SBF2: variants seen among roughly 807,000 people sequenced by gnomAD.
The protein encoded by SBF2 is myotubularin-related protein 13.
SBF2 carries 112 observed loss-of-function variants against 225.2 expected under a neutral mutation model. That is an observed-to-expected ratio of 0.50 (90% CI 0.43 to 0.58). The LOEUF (loss-of-function observed/expected upper bound fraction) is 0.58, where lower values mean the gene tolerates loss of function less well. SBF2 is among the 20% of genes least tolerant of loss of function. The pLI, the probability that SBF2 is intolerant of heterozygous loss-of-function variation, is 0.00. For missense variants in SBF2, 1,996 were observed against 2,206.2 expected (o/e 0.90, Z 1.91); for synonymous variants, 763 against 773.3 (o/e 0.99, Z 0.22).
intron 2 of SBF2, among the ~76,000 whole-genome samples, chr11:10,156,076 A>T (rs1271655393): frequency 6.6e-6 from 1 of 152,154 alleles, no homozygotes; most frequent in East Asian, 1.9e-4. Context: ...GCACTCTCGG[A>T]AGCCCAGGAA....
chr11:9,930,861 C>T (rs987425257), intron 16 of SBF2, among the ~76,000 whole-genome samples: 1 of 152,256 alleles, frequency 6.6e-6, no homozygotes, highest in African/African-American at 2.4e-5. Context: ...GAAGCCATGA[C>T]AGACTGCACC....
chr11:9,919,241 A>G (rs1342711811), intron 16 of SBF2, among the ~76,000 whole-genome samples: 1 of 150,006 alleles, frequency 6.7e-6, no homozygotes, highest in African/African-American at 2.5e-5. Context: ...AAGATTTGAA[A>G]TAGCCTCTCC....
intron 1 of SBF2, among the ~76,000 whole-genome samples, chr11:10,217,451 C>CA (rs1958172331): frequency 6.6e-6 from 1 of 152,120 alleles, no homozygotes; most frequent in Non-Finnish European, 1.5e-5. Flanking sequence ...CTTAATAAAA[C>CA]AGTTACTAAT....
chr11:10,104,777 TA>T (rs138994665), intron 2 of SBF2, among the ~76,000 whole-genome samples: 30,013 of 152,158 alleles, frequency 0.2, 3,885 homozygotes, highest in Non-Finnish European at 0.29. Flanking sequence ...TAGATTTTCT[TA>T]AATAAGTTTT....
chr11:10,294,123 C>T lies in SBF2; in HGVS notation c.-54G>A. 5 of 1,273,198 alleles carry T rather than the reference C, an allele frequency of 3.9e-6. No homozygotes were observed. The highest frequency in any genetic ancestry group is 5.0e-6 in the Non-Finnish European group (5 of 999,840). The allele number at this position is 1,273,198 out of a possible 1,614,324, so 78.9% of individuals were successfully genotyped here. On this transcript the variant is annotated 5_prime_UTR_variant, in exon 1 of 40. Transcript: ENST00000256190. ...GTCCCCGTCGCCGCCCTCGCCGCCG[C>T]CGCCCACCCGGCCCGGGAGGGCTCA... is the stretch of plus-strand genomic sequence containing the variant.
Position 9,858,313 on chromosome 11 carries a change from T to G in SBF2, c.2013A>C (p.Thr671=). The change falls in exon 18 of 40, where the codon ACA becomes ACC. Residue 671 remains threonine (T), a synonymous_variant. Coordinates refer to ENST00000256190, the MANE Select transcript of SBF2 (RefSeq NM_030962.4). ...GTTCCTGCACTGCATTGTAAAAGGT[T>G]GTCTCCCAAAATTGCTGATTTGTCC... The part of the protein sequence containing the change: ...PIWTNQQFWE[T]TFYNAVQEQV... 1 of 1,614,226 alleles carries G rather than the reference T, an allele frequency of 6.2e-7. No individual in the cohort carries two copies. The highest frequency in any genetic ancestry group is 8.5e-7 in the Non-Finnish European group (1 of 1,180,026).
chr11:10,270,512 G>T (rs1201790894), intron 1 of SBF2, among the ~76,000 whole-genome samples: 1 of 152,106 alleles, frequency 6.6e-6, no homozygotes, highest in African/African-American at 2.4e-5. Flanking sequence ...GGAAGAGGAA[G>T]GGTTATTCTT....
At position 10,145,260 on chromosome 11, in the gene SBF2, G is replaced by A. The variant is rs951741621; in HGVS notation, c.141+48642C>T. The stretch of plus-strand genomic sequence containing the variant: ...ACTGCCAAACAGAGTACCAACCCTT[G>A]GCCTTTCCAAATTGCTTGATTTCTT... On this transcript the variant is annotated intron_variant, in intron 2 of 39. Transcript: ENST00000256190. 4.6e-5 allele frequency among the ~76,000 whole-genome samples: 7 copies of A among 152,054 alleles called. No individual in the cohort carries two copies. In the East Asian group the frequency reaches 1.4e-3, roughly 29 times the overall value.
chr11:10,080,435 C>T (rs1388352370), intron 2 of SBF2, among the ~76,000 whole-genome samples: 2 of 151,370 alleles, frequency 1.3e-5, no homozygotes, highest in Non-Finnish European at 2.9e-5. Context: ...TCCATCCTAA[C>T]AAAACACAAA....
At position 9,842,644 on chromosome 11, in the gene SBF2, A is replaced by C; in HGVS notation, c.3237T>G (p.Asn1079Lys). 6.2e-7 allele frequency: 1 copy of C among 1,614,074 alleles called. No homozygotes were observed. The highest frequency in any genetic ancestry group is 8.5e-7 in the Non-Finnish European group (1 of 1,179,978). ...ACATACCAGATACATCATCATCTTC[A>C]TTCCATCCAGGACGATTTACTCTTT... ...VEERVNRPGW[N>K]EDDDVSVSDE... Residue 1079 changes from asparagine (N) to lysine (K), a missense_variant, in exon 25 of 40, where the codon AAT (asparagine) becomes AAG (lysine). Asn to Lys is a moderately conservative substitution (Grantham distance 94). Transcript: ENST00000256190.
At chr11:10,048,662 T>C (rs1949959393) in intron 2 of SBF2, among the ~76,000 whole-genome samples, 1 of 152,220 alleles carries the variant, frequency 6.6e-6, no homozygotes. Context: ...TGATAAAATA[T>C]GAGCTTTCAA....
chr11:9,911,132 C>A lies in SBF2; in HGVS notation c.1861-15121G>T, dbSNP rs531441334. On this transcript the variant is annotated intron_variant, in intron 16 of 39. Transcript: ENST00000256190. ...CCTGTAATCCCAGAACTTTGGGAGG[C>A]CGAGTCAGGTGGATCATGAGGTCAG... 1.3e-3 allele frequency among the ~76,000 whole-genome samples: 198 copies of A among 151,926 alleles called. 1 individual carries two copies. The highest frequency in any genetic ancestry group is 4.6e-3 in the African/African-American group (189 of 41,448).
At chr11:10,183,500 A>C (rs1049248276) in intron 2 of SBF2, among the ~76,000 whole-genome samples, 3 of 152,230 alleles carry the variant, frequency 2.0e-5, no homozygotes, top group Admixed American at 6.5e-5. Context: ...TGGCTTAACT[A>C]AAGGTCTCAA....
At chr11:10,137,206 A>G (rs1954409351) in intron 2 of SBF2, among the ~76,000 whole-genome samples, 1 of 152,196 alleles carries the variant, frequency 6.6e-6, no homozygotes, top group Non-Finnish European at 1.5e-5. Flanking sequence ...ATCTTCATTG[A>G]CAGGATATAC....
At chr11:10,267,518 T>A (rs1962111557) in intron 1 of SBF2, among the ~76,000 whole-genome samples, 2 of 152,128 alleles carry the variant, frequency 1.3e-5, no homozygotes, top group African/African-American at 4.8e-5. Context: ...TGTGGCAAGT[T>A]TCTGACTTGA....
Position 10,085,143 on chromosome 11 carries a change from TAAGAA to T in SBF2, c.142-42167_142-42163del. 2.0e-5 allele frequency among the ~76,000 whole-genome samples: 3 copies of T among 152,358 alleles called. No homozygotes were observed. The Middle Eastern group carries it at 0.01, about 518-fold the overall frequency. ...ACAAATCTATGGGAAATTCCCAGAT[TAAGAA>T]ACAATTTGAAAATACTGTTTTTTCA... is the stretch of plus-strand genomic sequence containing the variant. On this transcript the variant is annotated intron_variant, in intron 2 of 39. Transcript: ENST00000256190.
chr11:9,890,959 C>A (rs1011556918), intron 17 of SBF2, among the ~76,000 whole-genome samples: 1 of 152,006 alleles, frequency 6.6e-6, no homozygotes, highest in Non-Finnish European at 1.5e-5. Context: ...CGTGGTGAAT[C>A]CCCATCTCTA....
chr11:10,087,968 G>A (rs1426160984), intron 2 of SBF2, among the ~76,000 whole-genome samples: 1 of 151,812 alleles, frequency 6.6e-6, no homozygotes, highest in African/African-American at 2.4e-5. Context: ...GGTAGGTTCT[G>A]TATCACATAT....
Position 10,227,406 on chromosome 11 carries a change from T to G in SBF2, c.56-33419A>C, listed in dbSNP as rs572221786. ...CATGAAGTCCTTGCCCATGCCTATG[T>G]CCTGAATGGTATTGCCTAGGTTTTC... On this transcript the variant is annotated intron_variant, in intron 1 of 39. Transcript: ENST00000256190. Among the ~76,000 whole-genome samples, 55 of 152,324 alleles carry G rather than the reference T, an allele frequency of 3.6e-4. No homozygotes were observed. In the East Asian group the frequency reaches 6.9e-3, roughly 19 times the overall value.
Sources: allele counts gnomAD v4.1 joint callset (sites outside exome capture counted in the v4.1 genomes callset), GRCh38; gene constraint gnomAD v4.1.1; transcripts MANE v1.5; gene names NCBI Gene and HGNC (gene_info 2026-07-23, HGNC 2026-07-21).